KCNIP4: variants seen among roughly 807,000 people sequenced by gnomAD.
The protein encoded by KCNIP4 is Kv channel-interacting protein 4.
KCNIP4 carries 12 observed loss-of-function variants against 34.0 expected under a neutral mutation model. That is an observed-to-expected ratio of 0.35 (90% confidence interval 0.23 to 0.57). The LOEUF is 0.57. KCNIP4 is among the 20% of genes least tolerant of loss of function. KCNIP4 has a pLI of 0.83. For synonymous variants in KCNIP4, 124 were observed against 102.2 expected (o/e 1.21, Z -1.29); for missense variants, 238 against 311.7 (o/e 0.76, Z 1.78).
At chr4:21,913,087 G>C (rs1358159401) in intron 1 of KCNIP4, among the ~76,000 whole-genome samples, 1 of 151,864 alleles carries the variant, frequency 6.6e-6, no homozygotes, top group Non-Finnish European at 1.5e-5. Flanking sequence ...CCAAAATGCA[G>C]GTGTTGCAAC....
chr4:21,664,785 G>A (rs558874266), intron 1 of KCNIP4, among the ~76,000 whole-genome samples: 1 of 152,086 alleles, frequency 6.6e-6, no homozygotes, highest in South Asian at 2.1e-4. Context: ...AAATGCCTAT[G>A]GACTATTTTT....
At chr4:20,829,945 T>C (rs931221801) in intron 3 of KCNIP4, among the ~76,000 whole-genome samples, 15 of 152,130 alleles carry the variant, frequency 9.9e-5, no homozygotes, top group African/African-American at 3.1e-4. Context: ...ACTTACTCCA[T>C]AGCTCTCTTC....
intron 1 of KCNIP4, among the ~76,000 whole-genome samples, chr4:21,270,666 G>T (rs1389039832): frequency 6.6e-6 from 1 of 151,894 alleles, no homozygotes; most frequent in African/African-American, 2.4e-5. Context: ...TTTTTTTCCA[G>T]CACTTGGAAG....
At chr4:21,781,890 A>G (rs1719594731) in intron 1 of KCNIP4, among the ~76,000 whole-genome samples, 2 of 152,138 alleles carry the variant, frequency 1.3e-5, no homozygotes, top group South Asian at 4.1e-4. Flanking sequence ...AGTAAACTTT[A>G]TTAACTAATG....
rs546598667 is a variant in KCNIP4 at position 21,519,541 on chromosome 4, T to C, written c.61+429030A>G. On this transcript the variant is annotated intron_variant, in intron 1 of 8. Coordinates refer to ENST00000382152, the MANE Select transcript of KCNIP4 (RefSeq NM_025221.6). ...ACATATGTGTGTATGTGTATGTGTATATACACATATGTGTGTATGTGTATA... is the reference window on the plus strand; with the variant it reads ...ACATATGTGTGTATGTGTATGTGTACATACACATATGTGTGTATGTGTATA... Among the ~76,000 whole-genome samples the C allele has an allele frequency of 9.6e-5, 8 of 83,304 alleles. No individual in the cohort carries two copies. The South Asian group carries it at 2.6e-3, about 27-fold the overall frequency. The allele number at this position is 83,304 out of a possible 152,430, so 54.7% of individuals were successfully genotyped here.
At chr4:21,054,707 C>CAAAAAAAAAAAAAAAAAAAAAAAAA (rs34366909) in intron 1 of KCNIP4, among the ~76,000 whole-genome samples, 1 of 86,182 alleles carries the variant, frequency 1.2e-5, no homozygotes, top group Non-Finnish European at 2.4e-5. Flanking sequence ...TACTCACATG[C>CAAAAAAAAAAAAAAAAAAAAAAAAA]AAAAAAAAAA....
chr4:21,328,986 T>A (rs1361828056), intron 1 of KCNIP4, among the ~76,000 whole-genome samples: 1 of 152,224 alleles, frequency 6.6e-6, no homozygotes, highest in Non-Finnish European at 1.5e-5. Context: ...TCTAGCCCAG[T>A]GCATGTTCAG....
intron 1 of KCNIP4, among the ~76,000 whole-genome samples, chr4:21,053,712 A>G (rs1743138646): frequency 6.6e-6 from 1 of 152,226 alleles, no homozygotes; most frequent in Non-Finnish European, 1.5e-5. Context: ...ATTTCTATGT[A>G]CCAGCAATGA....
At chr4:21,669,606 A>G (rs1211240547) in intron 1 of KCNIP4, among the ~76,000 whole-genome samples, 1 of 150,472 alleles carries the variant, frequency 6.6e-6, no homozygotes, top group Non-Finnish European at 1.5e-5. Context: ...GCACTCCTAA[A>G]CCCACATTGT....
intron 1 of KCNIP4, among the ~76,000 whole-genome samples, chr4:21,617,017 T>G (rs1744654084): frequency 1.3e-5 from 2 of 152,200 alleles, no homozygotes; most frequent in African/African-American, 4.8e-5. Flanking sequence ...AAAAACATTC[T>G]TTGGCCAAGG....
At chr4:21,014,372 C>T (rs1208881609) in intron 1 of KCNIP4, among the ~76,000 whole-genome samples, 2 of 152,156 alleles carry the variant, frequency 1.3e-5, no homozygotes, top group Admixed American at 6.5e-5. Context: ...GGATGAGTCT[C>T]ATCTTCTCCA....
At chr4:21,316,506 A>G (rs887993997) in intron 1 of KCNIP4, 1 of 152,238 alleles carries the variant, frequency 6.6e-6, no homozygotes, top group African/African-American at 2.4e-5. Flanking sequence ...TGTCCTGAAA[A>G]TAACTCAAAT....
intron 1 of KCNIP4, among the ~76,000 whole-genome samples, chr4:21,413,758 T>C (rs1210779218): frequency 6.6e-6 from 1 of 152,196 alleles, no homozygotes; most frequent in Non-Finnish European, 1.5e-5. Flanking sequence ...TGGTTCTTAT[T>C]TCAGTCCCTG....
chr4:20,752,055 G>GTT (rs33912651), intron 4 of KCNIP4, among the ~76,000 whole-genome samples: 20,017 of 121,382 alleles, frequency 0.16, 2,205 homozygotes, highest in African/African-American at 0.24. Context: ...ACTTCATAGA[G>GTT]TTTTTTTTTT....
intron 1 of KCNIP4, among the ~76,000 whole-genome samples, chr4:21,097,872 A>G (rs60444813): frequency 0.16 from 24,262 of 152,140 alleles, 2,046 homozygotes; most frequent in East Asian, 0.23. Flanking sequence ...TTAGTAAGGA[A>G]TGCATACTGA....
rs569810911 is a variant in KCNIP4 at position 21,158,298 on chromosome 4, T to A, written c.62-275589A>T. Among the ~76,000 whole-genome samples, 10 of 152,138 alleles carry A rather than the reference T, an allele frequency of 6.6e-5. No homozygotes were observed. In the South Asian group the frequency reaches 2.1e-3, roughly 31 times the overall value. On this transcript the variant is annotated intron_variant, in intron 1 of 8. Coordinates refer to ENST00000382152, the MANE Select transcript of KCNIP4 (RefSeq NM_025221.6). ...AAAAGAAGGAAGACTTCCACAAATA[T>A]TCTATGAGCCAGCATTACCCCAGTA... is the stretch of plus-strand genomic sequence containing the variant.
intron 3 of KCNIP4, among the ~76,000 whole-genome samples, chr4:20,762,115 G>A (rs1185590900): frequency 1.3e-5 from 2 of 152,180 alleles, no homozygotes; most frequent in Non-Finnish European, 1.5e-5. Flanking sequence ...TGGAGGCTAG[G>A]AAGTCTAAGA....
chr4:20,821,639 C>G (rs186765593), intron 3 of KCNIP4, among the ~76,000 whole-genome samples: 95 of 152,212 alleles, frequency 6.2e-4, no homozygotes, highest in African/African-American at 2.2e-3. Context: ...CCCCTCCCAC[C>G]CTTTCCCCAC....
intron 1 of KCNIP4, among the ~76,000 whole-genome samples, chr4:21,121,236 G>GC (rs1306619451): frequency 1.3e-5 from 2 of 152,118 alleles, no homozygotes; most frequent in Non-Finnish European, 2.9e-5. Flanking sequence ...CTGCTGTCCG[G>GC]CCCCCTTATG....
Sources: allele counts gnomAD v4.1 joint callset (sites outside exome capture counted in the v4.1 genomes callset), GRCh38; gene constraint gnomAD v4.1.1; transcripts MANE v1.5; gene names NCBI Gene and HGNC (gene_info 2026-07-23, HGNC 2026-07-21).